The following EVC variants were observed in gnomAD, a reference collection of about 807,000 sequenced individuals.
EVC encodes the protein evC complex member EVC.
A neutral mutation model predicts 118.9 loss-of-function variants in EVC; 116 were observed. The ratio of observed to expected loss-of-function variants is 0.98; its 90% CI spans 0.84 to 1.14. The LOEUF (loss-of-function observed/expected upper bound fraction) is 1.14. Ranked by LOEUF, EVC falls within the 50% of genes most tolerant of loss-of-function variation. The pLI, the probability that EVC is intolerant of heterozygous loss-of-function variation, is 0.00. For missense variants in EVC, 1,401 were observed against 1,246.4 expected (o/e 1.12, Z -1.87); for synonymous variants, 619 against 534.7 (o/e 1.16, Z -2.18).
chr4:5,823,862 A>T, the EVC span, among the ~76,000 whole-genome samples: 1 of 152,222 alleles, frequency 6.6e-6, no homozygotes, highest in Non-Finnish European at 1.5e-5. Flanking sequence ...AACAGACACT[A>T]ACTCATGGTA....
At chr4:5,757,007 G>A (rs990747551) in intron 11 of EVC, among the ~76,000 whole-genome samples, 1 of 152,224 alleles carries the variant, frequency 6.6e-6, no homozygotes, top group Non-Finnish European at 1.5e-5. Context: ...AGCACTGGGA[G>A]GAGGAGAGGG....
intron 1 of EVC, among the ~76,000 whole-genome samples, chr4:5,718,544 A>G (rs942322324): frequency 1.4e-4 from 21 of 152,118 alleles, no homozygotes; most frequent in African/African-American, 5.1e-4. Flanking sequence ...AGAGTATGAA[A>G]AGGATGTTTG....
Position 5,737,797 on chromosome 4 carries a change from A to T in EVC, c.703-3919A>T, listed in dbSNP as rs1027044694. On this transcript the variant is annotated intron_variant, in intron 5 of 20. Coordinates refer to ENST00000264956, the MANE Select transcript of EVC (RefSeq NM_153717.3). The surrounding 1 kb of genome is among the most constrained non-coding windows in gnomAD (Gnocchi z 5.0). ...TGGTCACCCGAGAGCTCTGATGAAGATGTACAAGGAAGTTAATGTCATTTT... is the reference window on the plus strand; with the variant it reads ...TGGTCACCCGAGAGCTCTGATGAAGTTGTACAAGGAAGTTAATGTCATTTT... 6.6e-6 allele frequency among the ~76,000 whole-genome samples: 1 copy of T among 152,230 alleles called. No homozygotes were observed. Among genetic ancestry groups the T allele is most frequent in the Non-Finnish European group, 1.5e-5 (1 of 68,046 alleles).
chr4:5,788,225 G>C (rs1712076990), intron 12 of EVC, among the ~76,000 whole-genome samples: 1 of 152,306 alleles, frequency 6.6e-6, no homozygotes, highest in East Asian at 1.9e-4. Context: ...CACAATTTCT[G>C]TGGGTCAGGG....
chr4:5,765,528 G>A lies in EVC; in HGVS notation c.1563+9166G>A, dbSNP rs189882026. Among the ~76,000 whole-genome samples, 9 of 120,436 alleles carry A rather than the reference G, an allele frequency of 7.5e-5. No individual in the cohort carries two copies. In the East Asian group the frequency reaches 2.4e-3, roughly 32 times the overall value. The allele number at this position is 120,436 out of a possible 152,430, so 79.0% of individuals were successfully genotyped here. A position where few individuals can be genotyped will look rare whatever the true frequency, so the allele number is the denominator to read the frequency against. On this transcript the variant is annotated intron_variant, in intron 11 of 20. Coordinates refer to ENST00000264956, the MANE Select transcript of EVC (RefSeq NM_153717.3). ...TGTTAAAGTCTCCCATTATTAATGT[G>A]TGGGAGTCTATGTCTCTTTGGAGGT...
chr4:5,825,519 G>A, the EVC span: 1 of 1,578,364 alleles, frequency 6.3e-7, no homozygotes. This position sits in a 1 kb window ranked among gnomAD's most constrained non-coding sequence, Gnocchi z 4.4. Flanking sequence ...TGGACTGGTG[G>A]AGGTTTCTGA....
intron 11 of EVC, among the ~76,000 whole-genome samples, chr4:5,783,254 G>A (rs1577562051): frequency 6.6e-6 from 1 of 152,276 alleles, no homozygotes; most frequent in Middle Eastern, 3.4e-3. Flanking sequence ...GTGTGCATGT[G>A]TGTATATGTG....
intron 4 of EVC, among the ~76,000 whole-genome samples, chr4:5,732,279 G>GGCCTCTC (rs1472671194): frequency 2.0e-5 from 3 of 152,048 alleles, no homozygotes; most frequent in African/African-American, 7.2e-5. Flanking sequence ...CCAGGCCTCA[G>GGCCTCTC]GCCTCTCTCT....
rs886563503 is a variant in EVC at position 5,789,578 on chromosome 4, C to G, written c.1777-4030C>G. Among the ~76,000 whole-genome samples, 3 of 152,202 alleles carry G rather than the reference C, an allele frequency of 2.0e-5. No homozygotes were observed. The highest frequency in any genetic ancestry group is 4.4e-5 in the Non-Finnish European group (3 of 68,044). ...ACATGCTAGGCATCAATCAATAGAT[C>G]TTTCCCTTTCTCCCCATAATACATG... On this transcript the variant is annotated intron_variant, in intron 12 of 20. Coordinates refer to ENST00000264956, the MANE Select transcript of EVC (RefSeq NM_153717.3). This position sits in a 1 kb window ranked among gnomAD's most constrained non-coding sequence, Gnocchi z 4.3.
At chr4:5,822,953 G>A in the EVC span, among the ~76,000 whole-genome samples, 6 of 152,258 alleles carry the variant, frequency 3.9e-5, 1 homozygote, top group South Asian at 2.1e-4. Flanking sequence ...CCTTGCAGTC[G>A]GCTCCTTTCT....
Position 5,789,323 on chromosome 4 carries a change from G to T in EVC, c.1777-4285G>T, listed in dbSNP as rs1577585474. Among the ~76,000 whole-genome samples the T allele has an allele frequency of 2.0e-5, 3 of 152,280 alleles. No homozygotes were observed. Among genetic ancestry groups the T allele is most frequent in the East Asian group, 3.9e-4 (2 of 5,170 alleles). ...CTGCATGCTGCCCCCAGCCCCAGTG[G>T]TTCCTTGCACTCCTCTGGCTTTCTG... On this transcript the variant is annotated intron_variant, in intron 12 of 20. Transcript: ENST00000264956. The surrounding 1 kb of genome is among the most constrained non-coding windows in gnomAD (Gnocchi z 4.3).
At chr4:5,761,431 T>G (rs1731987776) in intron 11 of EVC, among the ~76,000 whole-genome samples, 1 of 149,030 alleles carries the variant, frequency 6.7e-6, no homozygotes, top group Non-Finnish European at 1.5e-5. Flanking sequence ...AGTCACAGAC[T>G]TGGCTGTTTT....
chr4:5,818,479 A>G (rs1472091994), downstream of EVC, among the ~76,000 whole-genome samples: 6 of 152,104 alleles, frequency 3.9e-5, no homozygotes, highest in Non-Finnish European at 8.8e-5. Context: ...GAAACTTAAT[A>G]CCCAATGTGG....
intron 11 of EVC, among the ~76,000 whole-genome samples, chr4:5,761,299 G>C (rs1244056023): frequency 6.6e-6 from 1 of 152,026 alleles, no homozygotes; most frequent in Non-Finnish European, 1.5e-5. Context: ...GTGGGGATGA[G>C]CCCAGATCTG....
At chr4:5,772,659 G>A (rs1156348039) in intron 11 of EVC, among the ~76,000 whole-genome samples, 4 of 151,978 alleles carry the variant, frequency 2.6e-5, no homozygotes, top group Admixed American at 6.6e-5. Flanking sequence ...GACCTATGAC[G>A]CTTCCACCCA....
At chr4:5,745,777 TAAAC>T (rs1187356517) in intron 7 of EVC, among the ~76,000 whole-genome samples, 3 of 152,200 alleles carry the variant, frequency 2.0e-5, no homozygotes, top group African/African-American at 7.2e-5. Context: ...TATTATGTAT[TAAAC>T]AAACATGTCC....
At chr4:5,751,070 A>G (rs1274868771) in intron 8 of EVC, among the ~76,000 whole-genome samples, 1 of 152,210 alleles carries the variant, frequency 6.6e-6, no homozygotes. Flanking sequence ...ACAGCTGCCA[A>G]GACAGATGGG....
chr4:5,791,237 A>G, intron 12 of EVC, among the ~76,000 whole-genome samples: 1 of 152,260 alleles, frequency 6.6e-6, no homozygotes, highest in East Asian at 1.9e-4. Flanking sequence ...AACACAGCTC[A>G]GAGATCTAAA....
At position 5,797,168 on chromosome 4, in the gene EVC, G is replaced by T. The variant is rs750496555; in HGVS notation, c.2033G>T (p.Arg678Leu). ...CTCCTGCAGGAGCTGCGGGAACAGC[G>T]TGCACTGGAGCAGGGGTCCTCCCAG... ...KHLLQELREQ[R>L]ALEQGSSQCL... The change falls in exon 14 of 21, where the codon CGT (arginine) becomes CTT (leucine). Residue 678 changes from arginine (R) to leucine (L), a missense_variant. By Grantham distance (102) the Arg-to-Leu change is moderately radical. Transcript: ENST00000264956. The T allele has an allele frequency of 5.6e-6, 9 of 1,613,378 alleles. No homozygotes were observed. In the African/African-American group the frequency reaches 1.1e-4, roughly 19 times the overall value.
Sources: allele counts gnomAD v4.1 joint callset (sites outside exome capture counted in the v4.1 genomes callset), GRCh38; gene constraint gnomAD v4.1.1; non-coding constraint Gnocchi (gnomAD v3.1); transcripts MANE v1.5; gene names NCBI Gene and HGNC (gene_info 2026-07-23, HGNC 2026-07-21).